The following ADAM20 variants were observed in gnomAD, a reference collection of about 807,000 sequenced individuals.
ADAM20 encodes the protein disintegrin and metalloproteinase domain-containing protein 20.
For synonymous variants in ADAM20, 305 were observed against 310.2 expected, an observed-to-expected ratio of 0.98 and a Z score of 0.18; for missense variants, 871 against 883.2, an observed-to-expected ratio of 0.99 and a Z score of 0.18.
the ADAM20 span, among the ~76,000 whole-genome samples, chr14:70,564,775 A>T: frequency 7.6e-6 from 1 of 131,702 alleles, no homozygotes; most frequent in East Asian, 2.2e-4. Flanking sequence ...AGCCAGGCAC[A>T]GTGGCTCACA....
the ADAM20 span, among the ~76,000 whole-genome samples, chr14:70,541,499 T>C: frequency 6.6e-6 from 1 of 152,204 alleles, no homozygotes; most frequent in African/African-American, 2.4e-5. Context: ...TAACCTGCTC[T>C]TTTACAAAAA....
the ADAM20 span, among the ~76,000 whole-genome samples, chr14:70,562,575 G>C: frequency 1.3e-5 from 2 of 152,146 alleles, no homozygotes; most frequent in African/African-American, 4.8e-5. Flanking sequence ...TCATGTTGGA[G>C]GAGGGGCTTG....
chr14:70,540,593 A>C, the ADAM20 span, among the ~76,000 whole-genome samples: 3 of 152,204 alleles, frequency 2.0e-5, no homozygotes, highest in African/African-American at 7.2e-5. Context: ...CCCAAACAGA[A>C]TAATCTTTGC....
At chr14:70,572,280 C>G in the ADAM20 span, among the ~76,000 whole-genome samples, 8 of 151,968 alleles carry the variant, frequency 5.3e-5, no homozygotes, top group African/African-American at 1.9e-4. Flanking sequence ...AATAGAGAAC[C>G]CAGAAATAAA....
chr14:70,533,998 G>A lies in ADAM20; in HGVS notation c.-177+799C>T, dbSNP rs553124212. 1.1e-4 allele frequency among the ~76,000 whole-genome samples: 16 copies of A among 146,334 alleles called. 2 individuals carry two copies. In the South Asian group the frequency reaches 2.4e-3, roughly 22 times the overall value. ...CTCAGGAGGCTGAGGAAGGATAATC[G>A]CTTGAGCCTGGGAGGCAGAGGTTGC... On this transcript the variant is annotated intron_variant, in intron 1 of 1. Coordinates refer to ENST00000256389, the MANE Select transcript of ADAM20 (RefSeq NM_003814.5).
At chr14:70,577,932 A>G in the ADAM20 span, among the ~76,000 whole-genome samples, 1 of 152,228 alleles carries the variant, frequency 6.6e-6, no homozygotes, top group East Asian at 1.9e-4. Flanking sequence ...AACACTTAGA[A>G]GAAAACATAA....
the ADAM20 span, among the ~76,000 whole-genome samples, chr14:70,541,296 G>A: frequency 6.6e-6 from 1 of 152,182 alleles, no homozygotes; most frequent in East Asian, 1.9e-4. Context: ...CCACTAATAA[G>A]CTTAGCTGTA....
upstream of ADAM20, among the ~76,000 whole-genome samples, chr14:70,536,168 T>C (rs1883827323): frequency 6.6e-6 from 1 of 152,020 alleles, no homozygotes; most frequent in Non-Finnish European, 1.5e-5. Context: ...CAGCAAATCC[T>C]AAAAATAAGA....
At chr14:70,575,176 TATATATATATAAAATATAA>T in the ADAM20 span, among the ~76,000 whole-genome samples, 2 of 149,712 alleles carry the variant, frequency 1.3e-5, no homozygotes, top group African/African-American at 4.9e-5. Context: ...TATATGTATG[TATATATATATAAAATATAA>T]ATATATATAT....
chr14:70,575,616 A>C, the ADAM20 span, among the ~76,000 whole-genome samples: 12 of 152,364 alleles, frequency 7.9e-5, no homozygotes, highest in East Asian at 2.1e-3. Flanking sequence ...ATAAAGTTGT[A>C]AAATTTTGTT....
chr14:70,564,173 A>AG, the ADAM20 span, among the ~76,000 whole-genome samples: 1 of 152,240 alleles, frequency 6.6e-6, no homozygotes, highest in Non-Finnish European at 1.5e-5. Flanking sequence ...AGCAAAACAG[A>AG]GGGGGCAGGT....
At chr14:70,542,024 C>T in the ADAM20 span, among the ~76,000 whole-genome samples, 1 of 151,470 alleles carries the variant, frequency 6.6e-6, no homozygotes, top group Non-Finnish European at 1.5e-5. Flanking sequence ...CAGGAATTAA[C>T]TGCATGAACT....
chr14:70,562,757 T>G, the ADAM20 span, among the ~76,000 whole-genome samples: 1 of 152,196 alleles, frequency 6.6e-6, no homozygotes, highest in Non-Finnish European at 1.5e-5. Context: ...CTGCCATGAT[T>G]GTAAGTTTCC....
the ADAM20 span, among the ~76,000 whole-genome samples, chr14:70,541,218 A>G: frequency 1.3e-5 from 2 of 152,250 alleles, no homozygotes; most frequent in Admixed American, 6.5e-5. Flanking sequence ...AAAATTTTAT[A>G]AAAGGCAATT....
chr14:70,545,777 A>C, the ADAM20 span, among the ~76,000 whole-genome samples: 3 of 152,240 alleles, frequency 2.0e-5, no homozygotes, highest in East Asian at 5.8e-4. Flanking sequence ...TGGAGACCTC[A>C]ACATGCCACT....
the ADAM20 span, among the ~76,000 whole-genome samples, chr14:70,579,129 T>C: frequency 2.2e-3 from 332 of 152,284 alleles, 2 homozygotes; most frequent in Middle Eastern, 0.034. Context: ...CTGTTGTTAA[T>C]AGTGCTGCAA....
chr14:70,526,579 T>C (rs1269176672), intron 1 of ADAM20, among the ~76,000 whole-genome samples: 1 of 152,184 alleles, frequency 6.6e-6, no homozygotes, highest in African/African-American at 2.4e-5. Context: ...ATAAAACCTA[T>C]ATTACATATA....
the ADAM20 span, among the ~76,000 whole-genome samples, chr14:70,564,143 G>C: frequency 6.6e-6 from 1 of 152,248 alleles, no homozygotes; most frequent in Non-Finnish European, 1.5e-5. Flanking sequence ...GGTAGAGCCT[G>C]TGAGCCTGAG....
intron 1 of ADAM20, among the ~76,000 whole-genome samples, chr14:70,528,507 T>C (rs946604432): frequency 6.6e-6 from 1 of 152,190 alleles, no homozygotes; most frequent in Non-Finnish European, 1.5e-5. Context: ...TTTCCCCTAA[T>C]GTATAGGGGG....
Sources: allele counts gnomAD v4.1 joint callset (sites outside exome capture counted in the v4.1 genomes callset), GRCh38; gene constraint gnomAD v4.1.1; transcripts MANE v1.5; gene names NCBI Gene and HGNC (gene_info 2026-07-23, HGNC 2026-07-21).